The following CDYL variants were observed in gnomAD, a reference collection of about 807,000 sequenced individuals.
The protein encoded by CDYL is chromodomain Y like, also known as chromodomain Y-like protein.
CDYL carries 8 observed loss-of-function variants against 47.3 expected under a neutral mutation model. That is an observed-to-expected ratio of 0.17 (90% CI 0.10 to 0.31). The LOEUF (loss-of-function observed/expected upper bound fraction) is 0.31. CDYL is among the 10% of genes least tolerant of loss of function. The probability of loss-of-function intolerance (pLI) is 1.00; values close to 1 mark genes in which losing one functional copy is unlikely to be tolerated. For synonymous variants in CDYL, 266 were observed against 265.0 expected, an observed-to-expected ratio of 1.00 and a Z score of -0.04; for missense variants, 471 against 701.4, an observed-to-expected ratio of 0.67 and a Z score of 3.71.
At chr6:4,772,476 G>A, upstream of CDYL, among the ~76,000 whole-genome samples, 1 of 152,322 alleles carries the variant, frequency 6.6e-6, no homozygotes, top group African/African-American at 2.4e-5. Context: ...AGCTTTTAGG[G>A]AAGGAAGAAC....
At chr6:4,707,816 GT>G in intron 1 of CDYL, among the ~76,000 whole-genome samples, 1 of 151,968 alleles carries the variant, frequency 6.6e-6, no homozygotes, top group Non-Finnish European at 1.5e-5. Flanking sequence ...TAACTTTTTT[GT>G]TAATTAATGT....
intron 1 of CDYL, 28 bp downstream of exon 1, chr6:4,776,835 C>G: frequency 1.2e-6 from 1 of 828,144 alleles, no homozygotes; most frequent in Non-Finnish European, 1.5e-6. Flanking sequence ...GGCCTCGGGC[C>G]GCCCCCCGCC....
chr6:4,905,612 G>T (rs1477713357), intron 2 of CDYL, among the ~76,000 whole-genome samples: 1 of 152,194 alleles, frequency 6.6e-6, no homozygotes, highest in Non-Finnish European at 1.5e-5. Flanking sequence ...AATTACACCA[G>T]TGAAGCCGTT....
At chr6:4,850,402 G>T (rs564154309) in intron 1 of CDYL, among the ~76,000 whole-genome samples, 4 of 152,284 alleles carry the variant, frequency 2.6e-5, no homozygotes, top group African/African-American at 9.6e-5. Flanking sequence ...TAGAAAAGTC[G>T]ATGTTTTAGC....
intron 3 of CDYL, among the ~76,000 whole-genome samples, chr6:4,763,718 G>A (rs371116750): frequency 3.3e-5 from 5 of 152,262 alleles, no homozygotes; most frequent in East Asian, 1.9e-4. Context: ...CAACATGGGC[G>A]GATCACTTGA....
rs1761238199 is a variant in CDYL at position 4,863,677 on chromosome 6, A to G, written c.25-28036A>G. On this transcript the variant is annotated intron_variant, in intron 1 of 6. Coordinates refer to ENST00000397588, the MANE Select transcript of CDYL (RefSeq NM_004824.4). ...TTTGTTCTACAAGCATGTTTAATCA[A>G]GAAAATAAATATCCTTTTGCAAATT... is the stretch of plus-strand genomic sequence containing the variant. 3.9e-5 allele frequency among the ~76,000 whole-genome samples: 6 copies of G among 152,374 alleles called. No homozygotes were observed. In the South Asian group the frequency reaches 1.2e-3, roughly 32 times the overall value.
chr6:4,893,694 CAAAA>C (rs760685131), intron 2 of CDYL, among the ~76,000 whole-genome samples: 1 of 103,264 alleles, frequency 9.7e-6, no homozygotes. Flanking sequence ...CTCCGTCTCC[CAAAA>C]AAAAAAAAAA....
intron 1 of CDYL, among the ~76,000 whole-genome samples, chr6:4,711,311 C>G (rs1452653130): frequency 6.6e-6 from 1 of 152,196 alleles, no homozygotes; most frequent in East Asian, 1.9e-4. Context: ...GTTTCAGTGA[C>G]TTACGGGAAG....
chr6:4,711,913 A>C (rs1248340562), intron 1 of CDYL, among the ~76,000 whole-genome samples: 1 of 152,076 alleles, frequency 6.6e-6, no homozygotes, highest in African/African-American at 2.4e-5. Context: ...AAAAATACAA[A>C]AATTAGCGCG....
chr6:4,844,525 T>C (rs1221001811), intron 1 of CDYL, among the ~76,000 whole-genome samples: 1 of 152,362 alleles, frequency 6.6e-6, no homozygotes, highest in South Asian at 2.1e-4. Flanking sequence ...CACGCTGCTC[T>C]GTCCGTCCGA....
At chr6:4,763,740 C>G (rs1007247645) in intron 3 of CDYL, among the ~76,000 whole-genome samples, 5 of 152,122 alleles carry the variant, frequency 3.3e-5, no homozygotes, top group Non-Finnish European at 5.9e-5. Flanking sequence ...ATCAGGAACT[C>G]AAGACCAGCC....
chr6:4,722,776 C>T (rs1348388415), intron 2 of CDYL, among the ~76,000 whole-genome samples: 1 of 152,150 alleles, frequency 6.6e-6, no homozygotes, highest in Non-Finnish European at 1.5e-5. Flanking sequence ...ACTCGGGAGG[C>T]TGAGGCATGA....
intron 2 of CDYL, among the ~76,000 whole-genome samples, chr6:4,900,788 T>C (rs867334730): frequency 1.0e-4 from 4 of 40,108 alleles, no homozygotes; most frequent in African/African-American, 5.3e-4. Flanking sequence ...TGTATATATA[T>C]ATATATATAT....
intron 1 of CDYL, among the ~76,000 whole-genome samples, chr6:4,789,527 G>A (rs1461809347): frequency 1.3e-5 from 2 of 152,144 alleles, no homozygotes; most frequent in African/African-American, 2.4e-5. Context: ...CTCCCAGTGG[G>A]CAGGAACTCC....
intron 2 of CDYL, among the ~76,000 whole-genome samples, chr6:4,922,444 T>C (rs1410091175): frequency 6.6e-6 from 1 of 152,226 alleles, no homozygotes; most frequent in South Asian, 2.1e-4. Context: ...CTGAATGATA[T>C]TGTTAAAAAA....
rs535354126 is a variant in CDYL at position 4,940,260 on chromosome 6, G to A, written c.1121+2523G>A. On this transcript the variant is annotated intron_variant, in intron 4 of 6. Transcript: ENST00000397588. ...GAAAACCAACTTGTTTCTTCTTTAT[G>A]TGACTATATTTTTGTCAATGTGAAT... Among the ~76,000 whole-genome samples, 8 of 152,314 alleles carry A rather than the reference G, an allele frequency of 5.3e-5. No homozygotes were observed. In the South Asian group the frequency reaches 1.7e-3, roughly 32 times the overall value.
At chr6:4,751,076 C>T (rs6932786) in intron 3 of CDYL, among the ~76,000 whole-genome samples, 138,075 of 151,766 alleles carry the variant, frequency 0.91, 63,043 homozygotes, top group East Asian at 1. Flanking sequence ...AGGATGGTCT[C>T]GATCTCCTGA....
At chr6:4,849,682 GA>G (rs74855632) in intron 1 of CDYL, among the ~76,000 whole-genome samples, 5,357 of 136,932 alleles carry the variant, frequency 0.039, 284 homozygotes, top group African/African-American at 0.12. Context: ...GTCATGCCAG[GA>G]AAAAAAAAAA....
At chr6:4,730,002 T>A (rs1312794847) in intron 2 of CDYL, among the ~76,000 whole-genome samples, 8 of 152,126 alleles carry the variant, frequency 5.3e-5, no homozygotes, top group Non-Finnish European at 1.0e-4. Context: ...GATCAGACAA[T>A]TTTCTTATAA....
Sources: allele counts gnomAD v4.1 joint callset (sites outside exome capture counted in the v4.1 genomes callset), GRCh38; gene constraint gnomAD v4.1.1; transcripts MANE v1.5; gene names NCBI Gene and HGNC (gene_info 2026-07-23, HGNC 2026-07-21).